Variants in FGD6 observed in about 807,000 individuals in gnomAD.
FGD6 encodes FYVE, RhoGEF and PH domain containing 6, also known as FYVE, RhoGEF and PH domain-containing protein 6.
FGD6 carries 90 observed loss-of-function variants against 149.4 expected under a neutral mutation model. The observed-to-expected ratio is 0.60, with a 90% CI of 0.51 to 0.72. FGD6 has a LOEUF of 0.72. FGD6 is among the 30% of genes least tolerant of loss of function. FGD6 has a pLI of 0.00. For missense variants in FGD6, 1,437 were observed against 1,684.8 expected (o/e 0.85, Z 2.57); for synonymous variants, 527 against 584.0 (o/e 0.90, Z 1.41).
chr12:95,095,401 C>T (rs1878201959), intron 14 of FGD6, among the ~76,000 whole-genome samples: 1 of 151,844 alleles, frequency 6.6e-6, no homozygotes, highest in Non-Finnish European at 1.5e-5. Context: ...TCCAACCATG[C>T]CTTTTTCCCA....
At chr12:95,107,975 T>C (rs57272259) in intron 11 of FGD6, among the ~76,000 whole-genome samples, 2 of 152,308 alleles carry the variant, frequency 1.3e-5, no homozygotes, top group African/African-American at 4.8e-5. Flanking sequence ...TTGTGCTATA[T>C]GAGGAGGATC....
chr12:95,104,971 G>GAA (rs11331948), intron 14 of FGD6, 36 bp downstream of exon 14: 511 of 1,349,382 alleles, frequency 3.8e-4, no homozygotes, highest in South Asian at 5.8e-4. Flanking sequence ...CTCAGAATGA[G>GAA]AAAAAAAAAA....
At chr12:95,187,607 T>C (rs1881478674) in intron 2 of FGD6, among the ~76,000 whole-genome samples, 1 of 147,792 alleles carries the variant, frequency 6.8e-6, no homozygotes, top group Admixed American at 6.9e-5. Context: ...GAGCCAAGAT[T>C]GCGCCACTCA....
At chr12:95,109,102 A>T (rs1394105817) in intron 9 of FGD6, among the ~76,000 whole-genome samples, 1 of 152,194 alleles carries the variant, frequency 6.6e-6, no homozygotes, top group Non-Finnish European at 1.5e-5. Context: ...AGCATCCCAG[A>T]TCTTAGGAAT....
intron 20 of FGD6, among the ~76,000 whole-genome samples, chr12:95,082,708 A>T (rs1257041618): frequency 1.3e-5 from 2 of 150,916 alleles, no homozygotes; most frequent in African/African-American, 4.9e-5. Context: ...TCTTTCCAAA[A>T]TTCTTTAGTC....
chr12:95,127,198 T>G (rs918194873), intron 8 of FGD6, among the ~76,000 whole-genome samples: 1 of 152,122 alleles, frequency 6.6e-6, no homozygotes, highest in Admixed American at 6.6e-5. Context: ...ACCCTAGGTT[T>G]TAAAATAAAT....
intron 8 of FGD6, among the ~76,000 whole-genome samples, chr12:95,115,795 T>A (rs1201670465): frequency 6.6e-6 from 1 of 152,182 alleles, no homozygotes; most frequent in African/African-American, 2.4e-5. Context: ...TCTTCAAACA[T>A]AACAGATGAC....
chr12:95,098,752 C>T (rs762656517), intron 14 of FGD6, among the ~76,000 whole-genome samples: 7 of 152,186 alleles, frequency 4.6e-5, no homozygotes, highest in Non-Finnish European at 8.8e-5. Context: ...CCTCCTAGCC[C>T]CTGGTACTTT....
At position 95,117,172 on chromosome 12, in the gene FGD6, T is replaced by C. The variant is rs140378651; in HGVS notation, c.3083-3471A>G. Among the ~76,000 whole-genome samples, 123 of 152,272 alleles carry C rather than the reference T, an allele frequency of 8.1e-4. 1 individual carries two copies. The highest frequency in any genetic ancestry group is 2.9e-3 in the African/African-American group (119 of 41,562). ...ACCTTTCTGCTCCTGCCAAAACAAATTGAGCATTATTCAAAACTTCACTAA... is the reference window on the plus strand; with the variant it reads ...ACCTTTCTGCTCCTGCCAAAACAAACTGAGCATTATTCAAAACTTCACTAA... On this transcript the variant is annotated intron_variant, in intron 8 of 20. Coordinates refer to ENST00000343958, the MANE Select transcript of FGD6 (RefSeq NM_018351.4).
chr12:95,083,030 T>TATACACACACACACACACACACACAC (rs772685891), intron 20 of FGD6, among the ~76,000 whole-genome samples: 1 of 56,580 alleles, frequency 1.8e-5, no homozygotes, highest in Non-Finnish European at 3.3e-5. Flanking sequence ...TATATATATA[T>TATACACACACACACACACACACACAC]ACACACACAT....
chr12:95,211,325 T>C, intron 1 of FGD6, 58 bp from the exon 2 acceptor site: 6 of 1,499,978 alleles, frequency 4.0e-6, no homozygotes, highest in Non-Finnish European at 5.3e-6. Flanking sequence ...AAATGATACA[T>C]GATTAAATCT....
rs1427762848 is a variant in FGD6 at position 95,076,925 on chromosome 12, TTC to T, written c.*4593_*4594del. 6.6e-6 allele frequency: 1 copy of T among 151,862 alleles called. No individual in the cohort carries two copies. The highest frequency in any genetic ancestry group is 1.5e-5 in the Non-Finnish European group (1 of 67,976). 9.4% of individuals were successfully genotyped at this position (151,862 alleles called of 1,614,324 possible). ...AAAAAAAACGATATTTCAAGATTGG[TTC>T]TTACATGCTATGACCAACTCATATG... On this transcript the variant is annotated 3_prime_UTR_variant, in exon 21 of 21. Transcript: ENST00000343958.
chr12:95,137,384 T>A (rs757839616), intron 7 of FGD6, 138 bp downstream of exon 7: 1 of 684,764 alleles, frequency 1.5e-6, no homozygotes, highest in Non-Finnish European at 2.2e-6. Context: ...ATTGTTCAAT[T>A]CCATCTTTGA....
At chr12:95,129,532 AAAG>A (rs1174397728) in intron 8 of FGD6, among the ~76,000 whole-genome samples, 1 of 152,234 alleles carries the variant, frequency 6.6e-6, no homozygotes, top group African/African-American at 2.4e-5. Context: ...AAGAGATGAG[AAAG>A]AAGAAGATAA....
intron 18 of FGD6, 115 bp from the exon 19 acceptor site, chr12:95,086,023 A>C (rs1877853192): frequency 9.4e-7 from 1 of 1,061,864 alleles, no homozygotes; most frequent in African/African-American, 1.6e-5. Context: ...ATGTTTCAGA[A>C]TGAAATATAT....
intron 8 of FGD6, among the ~76,000 whole-genome samples, chr12:95,132,538 G>A (rs890776416): frequency 4.6e-5 from 7 of 152,050 alleles, no homozygotes; most frequent in African/African-American, 1.4e-4. Context: ...GGATCACAAG[G>A]TCAAGAGATC....
chr12:95,105,444 C>T (rs1204133744), intron 13 of FGD6, among the ~76,000 whole-genome samples: 2 of 152,192 alleles, frequency 1.3e-5, no homozygotes, highest in South Asian at 2.1e-4. Flanking sequence ...CCCACCATGA[C>T]CATCAAACAC....
intron 2 of FGD6, among the ~76,000 whole-genome samples, chr12:95,174,862 G>A (rs1881087270): frequency 7.2e-6 from 1 of 138,044 alleles, no homozygotes; most frequent in African/African-American, 2.8e-5. Flanking sequence ...GGGAGGCGGA[G>A]CTTGCAGTGA....
chr12:95,092,584 ATAGT>A (rs1878092222), intron 16 of FGD6, 111 bp downstream of exon 16: 1 of 1,076,820 alleles, frequency 9.3e-7, no homozygotes, highest in Non-Finnish European at 1.3e-6. Context: ...AATAATAATA[ATAGT>A]TATTGTTATT....
Sources: allele counts gnomAD v4.1 joint callset (sites outside exome capture counted in the v4.1 genomes callset), GRCh38; gene constraint gnomAD v4.1.1; transcripts MANE v1.5; gene names NCBI Gene and HGNC (gene_info 2026-07-23, HGNC 2026-07-21).